Variants in CHCHD3 observed in about 807,000 individuals in gnomAD.
The protein encoded by CHCHD3 is coiled-coil-helix-coiled-coil-helix domain containing 3.
Under a neutral mutation model 38.2 loss-of-function variants are expected in CHCHD3, and 20 were observed. The ratio of observed to expected loss-of-function variants is 0.52; its 90% CI spans 0.37 to 0.76. The LOEUF is 0.76. Ranked by LOEUF, CHCHD3 falls within the 30% of genes least tolerant of loss-of-function variation. The probability of loss-of-function intolerance (pLI) is 0.00; values close to 1 mark genes in which losing one functional copy is unlikely to be tolerated. For synonymous variants in CHCHD3, 82 were observed against 100.0 expected, an observed-to-expected ratio of 0.82 and a Z score of 1.07; for missense variants, 245 against 279.2, an observed-to-expected ratio of 0.88 and a Z score of 0.87.
chr7:133,045,287 A>G (rs1813951732), intron 2 of CHCHD3, among the ~76,000 whole-genome samples: 1 of 152,128 alleles, frequency 6.6e-6, no homozygotes, highest in Non-Finnish European at 1.5e-5. Context: ...AGACTCACCC[A>G]GTGAAAAGCA....
chr7:132,884,585 G>A (rs1237508649), intron 5 of CHCHD3, among the ~76,000 whole-genome samples: 2 of 151,968 alleles, frequency 1.3e-5, no homozygotes, highest in African/African-American at 2.4e-5. Flanking sequence ...ACTGAGTGAG[G>A]GTTAATAGTG....
chr7:132,834,165 C>T (rs1807719403), intron 6 of CHCHD3, among the ~76,000 whole-genome samples: 1 of 152,106 alleles, frequency 6.6e-6, no homozygotes, highest in African/African-American at 2.4e-5. Context: ...TATATATTGT[C>T]TTACAAAAGT....
chr7:132,796,061 G>T (rs1373940553), intron 7 of CHCHD3, among the ~76,000 whole-genome samples: 1 of 151,902 alleles, frequency 6.6e-6, no homozygotes, highest in African/African-American at 2.4e-5. Context: ...GCCTACCTAC[G>T]GCTTATGGGC....
rs746886506 is a variant in CHCHD3, at chr7:132,785,645, C to A, written c.676G>T (p.Gly226Ter). 2.5e-6 allele frequency: 4 copies of A among 1,613,848 alleles called. No homozygotes were observed. Among genetic ancestry groups the A allele is most frequent in the African/African-American group, 2.7e-5 (2 of 74,878 alleles). ...NHAKQSMLEK[G>*]G The stretch of plus-strand genomic sequence containing the variant: ...GCTCATTCTGAAAGTTTTTATCCTC[C>A]CTTCTCAAGCATGCTCTGCAAGAAA... Residue 226 changes from glycine (G) to a stop codon, truncating the protein, a stop_gained, in exon 8 of 8, where the codon GGA (glycine) becomes TGA (stop). Transcript: ENST00000262570. LOFTEE classifies it high-confidence loss of function.
At chr7:132,899,583 G>A (rs564033841) in intron 4 of CHCHD3, among the ~76,000 whole-genome samples, 10 of 152,344 alleles carry the variant, frequency 6.6e-5, no homozygotes, top group Non-Finnish European at 1.5e-4. Context: ...GTGTTTGTAT[G>A]TATCAGTTCC....
intron 6 of CHCHD3, among the ~76,000 whole-genome samples, chr7:132,834,945 C>CTTAT (rs1398878756): frequency 6.8e-6 from 1 of 147,766 alleles, no homozygotes; most frequent in South Asian, 2.2e-4. Context: ...TTTTTTTCCT[C>CTTAT]TCATTTATTT....
intron 4 of CHCHD3, among the ~76,000 whole-genome samples, chr7:132,965,057 T>TTGTGTGTGTGTG (rs932006782): frequency 2.3e-4 from 13 of 57,394 alleles, no homozygotes; most frequent in Admixed American, 4.8e-4. Flanking sequence ...GCTATGGGTT[T>TTGTGTGTGTGTG]TATGTGTGTG....
intron 3 of CHCHD3, among the ~76,000 whole-genome samples, chr7:133,002,027 G>A (rs115470929): frequency 0.016 from 2,453 of 152,200 alleles, 64 homozygotes; most frequent in African/African-American, 0.056. Flanking sequence ...ACCTGACAGA[G>A]GAGGTATCTG....
chr7:132,833,710 AACT>A (rs1479674536), intron 6 of CHCHD3, among the ~76,000 whole-genome samples: 1 of 152,160 alleles, frequency 6.6e-6, no homozygotes, highest in East Asian at 1.9e-4. Context: ...TTACTGCCAA[AACT>A]ATACATTGAG....
intron 6 of CHCHD3, among the ~76,000 whole-genome samples, chr7:132,836,657 T>C (rs1046334941): frequency 2.6e-5 from 4 of 151,906 alleles, no homozygotes; most frequent in African/African-American, 7.3e-5. Context: ...TGTTCTTTTG[T>C]AGATACAGGG....
chr7:132,872,828 G>A (rs986970430), intron 5 of CHCHD3, among the ~76,000 whole-genome samples: 2 of 151,876 alleles, frequency 1.3e-5, no homozygotes, highest in African/African-American at 2.4e-5. Flanking sequence ...GGGGAGGGCC[G>A]GACTCGGTGG....
chr7:133,057,985 A>T (rs1049660858), intron 2 of CHCHD3, among the ~76,000 whole-genome samples: 4 of 152,190 alleles, frequency 2.6e-5, no homozygotes, highest in Non-Finnish European at 4.4e-5. Flanking sequence ...GAAAAGTTTT[A>T]AAAAATTTCA....
chr7:133,077,008 T>C lies in CHCHD3; in HGVS notation c.81+4849A>G, dbSNP rs559313041. On this transcript the variant is annotated intron_variant, in intron 1 of 7. Coordinates refer to ENST00000262570, the MANE Select transcript of CHCHD3 (RefSeq NM_017812.4). ...GCTTCACAATTACCTTTTTAAGACA[T>C]AGGCTCCAAAAACTGCCATTATTAT... Among the ~76,000 whole-genome samples, 229 of 152,234 alleles carry C rather than the reference T, an allele frequency of 1.5e-3. 1 individual carries two copies. The highest frequency in any genetic ancestry group is 5.1e-3 in the African/African-American group (212 of 41,542).
chr7:133,010,712 G>C (rs1812844295), intron 3 of CHCHD3, among the ~76,000 whole-genome samples: 2 of 152,018 alleles, frequency 1.3e-5, no homozygotes, highest in Non-Finnish European at 2.9e-5. Context: ...CTGAGTAGCT[G>C]GGACTACGGA....
intron 5 of CHCHD3, among the ~76,000 whole-genome samples, chr7:132,846,731 C>T (rs983583825): frequency 2.6e-5 from 4 of 152,126 alleles, no homozygotes; most frequent in Admixed American, 6.6e-5. Context: ...TCAACTGTTG[C>T]TCATATTTAA....
intron 5 of CHCHD3, among the ~76,000 whole-genome samples, chr7:132,876,407 T>C (rs994319912): frequency 2.6e-5 from 4 of 152,230 alleles, no homozygotes; most frequent in Non-Finnish European, 4.4e-5. Context: ...AAAGAATCTT[T>C]AAAAGTGGAA....
At chr7:133,041,190 C>G (rs960593703) in intron 2 of CHCHD3, among the ~76,000 whole-genome samples, 2 of 152,102 alleles carry the variant, frequency 1.3e-5, no homozygotes, top group Non-Finnish European at 2.9e-5. Context: ...GGGAATTATA[C>G]AAGTATCCAG....
At chr7:133,066,466 G>A (rs752750155) in intron 2 of CHCHD3, among the ~76,000 whole-genome samples, 33 of 152,000 alleles carry the variant, frequency 2.2e-4, no homozygotes, top group Non-Finnish European at 4.1e-4. Context: ...TGTTAGGCAG[G>A]CTGGTCTCAA....
chr7:132,804,952 C>G (rs972684520), intron 6 of CHCHD3, among the ~76,000 whole-genome samples: 1 of 152,052 alleles, frequency 6.6e-6, no homozygotes, highest in Non-Finnish European at 1.5e-5. Context: ...CCATCCCTAT[C>G]GGTTACTTGA....
Sources: gnomAD v4.1 joint callset for allele counts (sites outside exome capture counted in the v4.1 genomes callset) on GRCh38, gnomAD v4.1.1 for gene constraint, MANE v1.5 for transcripts, NCBI Gene and HGNC (gene_info 2026-07-23, HGNC 2026-07-21) for gene names.